CCM2: variants seen among roughly 807,000 people sequenced by gnomAD.
CCM2 encodes cerebral cavernous malformations 2 protein.
Under a neutral mutation model 44.9 loss-of-function variants are expected in CCM2, and 25 were observed. The observed-to-expected ratio is 0.56, with a 90% CI of 0.41 to 0.78. The LOEUF (loss-of-function observed/expected upper bound fraction) is 0.78, where lower values mean the gene tolerates loss of function less well. Ranked by LOEUF, CCM2 falls within the 30% of genes least tolerant of loss-of-function variation. The probability of loss-of-function intolerance (pLI) is 0.00; values close to 1 mark genes in which losing one functional copy is unlikely to be tolerated. For missense variants in CCM2, 481 were observed against 580.6 expected (o/e 0.83, Z 1.76); for synonymous variants, 219 against 241.1 (o/e 0.91, Z 0.85).
chr7:45,009,944 CTG>C (rs1796002786), intron 1 of CCM2, among the ~76,000 whole-genome samples: 1 of 150,636 alleles, frequency 6.6e-6, no homozygotes, highest in African/African-American at 2.5e-5. Context: ...GGGTCTCACT[CTG>C]TCACAGAGGC....
At chr7:45,027,600 C>G (rs1425857669) in intron 1 of CCM2, 1 of 1,606,052 alleles carries the variant, frequency 6.2e-7, no homozygotes, top group Non-Finnish European at 8.5e-7. Context: ...AGTGGCTTTG[C>G]AGAAGGAAGC....
At chr7:45,028,271 C>T (rs1021403304) in intron 1 of CCM2, among the ~76,000 whole-genome samples, 1 of 152,192 alleles carries the variant, frequency 6.6e-6, no homozygotes, top group East Asian at 1.9e-4. Context: ...TCCTGGCCAC[C>T]GCCAGTGTGG....
intron 1 of CCM2, among the ~76,000 whole-genome samples, chr7:45,032,242 A>G (rs1562876377): frequency 6.6e-6 from 1 of 152,208 alleles, no homozygotes; most frequent in Non-Finnish European, 1.5e-5. Flanking sequence ...ATTGAAGACT[A>G]AGGACTAGGG....
At chr7:45,033,100 A>T (rs1797046817) in intron 1 of CCM2, among the ~76,000 whole-genome samples, 1 of 144,348 alleles carries the variant, frequency 6.9e-6, no homozygotes, top group Non-Finnish European at 1.5e-5. Context: ...GAAAGAGCTG[A>T]GCTCGATGTA....
At chr7:45,073,810 C>G (rs923378696) in intron 8 of CCM2, 1 of 576,696 alleles carries the variant, frequency 1.7e-6, no homozygotes, top group Non-Finnish European at 3.1e-6. Context: ...GACTGTGGGC[C>G]TGTGCTTGGG....
intron 2 of CCM2, among the ~76,000 whole-genome samples, chr7:45,051,919 A>C (rs991501886): frequency 6.6e-6 from 1 of 152,154 alleles, no homozygotes; most frequent in African/African-American, 2.4e-5. Context: ...GTTAGCCAGG[A>C]TGGTCTTGAT....
chr7:45,028,999 A>G (rs1004128997), intron 1 of CCM2, among the ~76,000 whole-genome samples: 4 of 152,174 alleles, frequency 2.6e-5, no homozygotes, highest in Non-Finnish European at 5.9e-5. Flanking sequence ...ACTATAGCCT[A>G]TCACTGTCCA....
chr7:45,006,071 G>A (rs1795834783), intron 1 of CCM2, among the ~76,000 whole-genome samples: 1 of 152,234 alleles, frequency 6.6e-6, no homozygotes, highest in Admixed American at 6.5e-5. Context: ...AGAGCAGGAA[G>A]TGGAGCCCGG....
chr7:45,029,106 C>G (rs968057797), intron 1 of CCM2, among the ~76,000 whole-genome samples: 1 of 151,964 alleles, frequency 6.6e-6, no homozygotes, highest in Non-Finnish European at 1.5e-5. Context: ...TCCTGCTGGG[C>G]CCTCATGTGG....
chr7:45,040,569 T>G (rs577733596), intron 2 of CCM2, among the ~76,000 whole-genome samples: 100 of 152,276 alleles, frequency 6.6e-4, no homozygotes, highest in African/African-American at 2.1e-3. Context: ...ACATTTTGAA[T>G]AATTGACTGA....
At chr7:45,050,925 G>A (rs1583933593) in intron 2 of CCM2, among the ~76,000 whole-genome samples, 2 of 152,294 alleles carry the variant, frequency 1.3e-5, no homozygotes. Context: ...GTAGGGCAGA[G>A]GGGAAAGATG....
At chr7:45,049,539 C>T (rs1319425145) in intron 2 of CCM2, among the ~76,000 whole-genome samples, 6 of 152,164 alleles carry the variant, frequency 3.9e-5, no homozygotes, top group African/African-American at 1.4e-4. Flanking sequence ...AAAACTGCCT[C>T]GTCCATTTTA....
chr7:45,002,389 CA>C (rs1795675351), intron 1 of CCM2, among the ~76,000 whole-genome samples: 1 of 152,108 alleles, frequency 6.6e-6, no homozygotes, highest in South Asian at 2.1e-4. Context: ...GGCAACATGG[CA>C]AAACCCCATC....
At chr7:45,036,985 G>A (rs935033886) in intron 1 of CCM2, among the ~76,000 whole-genome samples, 1 of 152,060 alleles carries the variant, frequency 6.6e-6, no homozygotes, top group Non-Finnish European at 1.5e-5. Flanking sequence ...AGATGGTGGG[G>A]AATAAGTTCT....
intron 1 of CCM2, among the ~76,000 whole-genome samples, chr7:45,020,714 T>A (rs947069857): frequency 6.6e-5 from 10 of 152,172 alleles, no homozygotes; most frequent in Admixed American, 2.0e-4. Flanking sequence ...TTTTATTAGG[T>A]GAAAGTGGTA....
chr7:45,064,255 C>G (rs1798658820), intron 3 of CCM2, among the ~76,000 whole-genome samples: 1 of 152,256 alleles, frequency 6.6e-6, no homozygotes, highest in African/African-American at 2.4e-5. Context: ...AAGTCTGAAT[C>G]TGAAGGCAGT....
chr7:45,034,767 T>G (rs554338303), intron 1 of CCM2, among the ~76,000 whole-genome samples: 1 of 151,872 alleles, frequency 6.6e-6, no homozygotes, highest in Non-Finnish European at 1.5e-5. Flanking sequence ...GTGATCTGCC[T>G]GCCTCACCCT....
At chr7:45,069,787 C>T in intron 5 of CCM2, 39 bp from the exon 6 acceptor site, 1 of 1,613,052 alleles carries the variant, frequency 6.2e-7, no homozygotes, top group Admixed American at 1.7e-5. Flanking sequence ...GCGCAGTCTC[C>T]AGCCAGACTG....
intron 5 of CCM2, among the ~76,000 whole-genome samples, chr7:45,069,444 C>A (rs1191078168): frequency 1.3e-5 from 2 of 152,222 alleles, no homozygotes; most frequent in African/African-American, 4.8e-5. Context: ...GTTAGAAATG[C>A]CTCCAGGTGG....
Sources: gnomAD v4.1 joint callset for allele counts (sites outside exome capture counted in the v4.1 genomes callset) on GRCh38, gnomAD v4.1.1 for gene constraint, MANE v1.5 for transcripts, NCBI Gene and HGNC (gene_info 2026-07-23, HGNC 2026-07-21) for gene names.